RHOBTB2: variants seen among roughly 807,000 people sequenced by gnomAD.
RHOBTB2 encodes rho-related BTB domain-containing protein 2.
In RHOBTB2, 39 loss-of-function variants were observed where a neutral mutation model predicts 66.5. The observed-to-expected ratio is 0.59, with a 90% CI of 0.45 to 0.77. The LOEUF is 0.77. RHOBTB2 is among the 30% of genes least tolerant of loss of function. The pLI is 0.00. For missense variants in RHOBTB2, 755 were observed against 999.1 expected (o/e 0.76, Z 3.29); for synonymous variants, 390 against 395.0 (o/e 0.99, Z 0.15).
chr8:22,995,720 C>A, upstream of RHOBTB2: 1 of 822,864 alleles, frequency 1.2e-6, no homozygotes, highest in Non-Finnish European at 2.0e-6. Context: ...TCTGCTTTTG[C>A]TCATGGCTGG....
chr8:22,982,348 C>T, the RHOBTB2 span, among the ~76,000 whole-genome samples: 245 of 152,276 alleles, frequency 1.6e-3, no homozygotes, highest in Non-Finnish European at 3.1e-3. Context: ...TGGCCAGGCT[C>T]GATGGCTCAT....
At chr8:22,997,103 C>T (rs949418590), upstream of RHOBTB2, among the ~76,000 whole-genome samples, 5 of 152,212 alleles carry the variant, frequency 3.3e-5, no homozygotes, top group East Asian at 3.9e-4. Context: ...AGTAGTGAAC[C>T]GCTGGAGCTC....
At chr8:23,010,979 C>A (rs1485621507) in intron 7 of RHOBTB2, among the ~76,000 whole-genome samples, 2 of 152,214 alleles carry the variant, frequency 1.3e-5, no homozygotes, top group African/African-American at 2.4e-5. Flanking sequence ...CCTATAATCC[C>A]AGCACTTTGG....
upstream of RHOBTB2, among the ~76,000 whole-genome samples, chr8:22,982,681 C>T (rs1210804593): frequency 6.6e-6 from 1 of 152,202 alleles, no homozygotes; most frequent in Non-Finnish European, 1.5e-5. Context: ...GACAACGTCA[C>T]AAAAACAAAC....
upstream of RHOBTB2, among the ~76,000 whole-genome samples, chr8:22,986,265 C>CTT (rs33995780): frequency 4.1e-4 from 35 of 84,980 alleles, no homozygotes; most frequent in Non-Finnish European, 5.4e-4. Flanking sequence ...CAGTGCATTG[C>CTT]TTTTTTTTTT....
At chr8:22,999,372 A>C (rs1810682912), upstream of RHOBTB2, among the ~76,000 whole-genome samples, 1 of 151,746 alleles carries the variant, frequency 6.6e-6, no homozygotes, top group Non-Finnish European at 1.5e-5. Context: ...CGCCACCCAG[A>C]CCCGCGAGCC....
At chr8:22,977,015 G>A in the RHOBTB2 span, among the ~76,000 whole-genome samples, 1 of 152,028 alleles carries the variant, frequency 6.6e-6, no homozygotes, top group Non-Finnish European at 1.5e-5. Flanking sequence ...AGCTACTTGG[G>A]AGGCTGAGGT....
At chr8:22,994,539 C>T (rs1304120690) in intron 2 of RHOBTB2, 8 of 1,470,466 alleles carry the variant, frequency 5.4e-6, no homozygotes, top group South Asian at 1.2e-5. Context: ...CCGCCCCATC[C>T]ACTCCTGTTC....
At chr8:22,975,919 G>A in the RHOBTB2 span, among the ~76,000 whole-genome samples, 13 of 152,042 alleles carry the variant, frequency 8.6e-5, no homozygotes, top group South Asian at 2.1e-4. Context: ...AGGCCAATGC[G>A]GGCGGATCAT....
intron 5 of RHOBTB2, 77 bp from the exon 6 acceptor site, chr8:23,007,916 G>GA (rs1228807493): frequency 6.0e-6 from 9 of 1,500,184 alleles, no homozygotes; most frequent in Non-Finnish European, 7.4e-6. Flanking sequence ...GGTTCAGGAG[G>GA]AGGCTCCGTG....
intron 2 of RHOBTB2, among the ~76,000 whole-genome samples, chr8:22,993,497 G>A (rs1245406134): frequency 6.6e-6 from 1 of 152,204 alleles, no homozygotes; most frequent in African/African-American, 2.4e-5. Context: ...GGAGTTAGAA[G>A]GGTGTCAGTG....
intron 1 of RHOBTB2, among the ~76,000 whole-genome samples, chr8:22,990,390 G>A (rs1810395553): frequency 6.6e-6 from 1 of 151,722 alleles, no homozygotes; most frequent in African/African-American, 2.4e-5. Flanking sequence ...GCAGCTGGGA[G>A]GCAGCCTGCA....
chr8:23,017,469 A>G lies in RHOBTB2; in HGVS notation c.2184A>G (p.Ter728TrpextTer7), dbSNP rs1811329836. ...CATCTTCCTCCTCGGCTGTGGTCTG[A>G]GATGCTGCCACCCTCTTCTGACCCT... ...SSPSSSSAVV[*>W] The change falls in exon 10 of 10, where the codon TGA (stop) becomes TGG (tryptophan). Residue 728 changes from the stop codon to tryptophan (W), a stop_lost. Coordinates refer to ENST00000251822, the MANE Select transcript of RHOBTB2 (RefSeq NM_015178.3). This position sits in a 1 kb window ranked among gnomAD's most constrained non-coding sequence, Gnocchi z 5.3. 5 of 1,576,032 alleles carry G rather than the reference A, an allele frequency of 3.2e-6. No homozygotes were observed. Among genetic ancestry groups the G allele is most frequent in the Non-Finnish European group, 4.3e-6 (5 of 1,161,144 alleles).
Position 23,006,334 on chromosome 8 carries a change from C to T in RHOBTB2, c.482+189C>T, listed in dbSNP as rs1810949691. ...ACCTGTTGCACACCTCTGGTGTGGG[C>T]AGTGCTATGTAAAGCATCATGAAGA... is the stretch of plus-strand genomic sequence containing the variant. On this transcript the variant is annotated intron_variant, in intron 4 of 9. Transcript: ENST00000251822. This position sits in a 1 kb window ranked among gnomAD's most constrained non-coding sequence, Gnocchi z 6.1. 2 of 588,026 alleles carry T rather than the reference C, an allele frequency of 3.4e-6. No homozygotes were observed. The highest frequency in any genetic ancestry group is 6.0e-6 in the Non-Finnish European group (2 of 331,602). The allele number at this position is 588,026 out of a possible 1,614,324, so 36.4% of individuals were successfully genotyped here.
chr8:22,991,012 A>C (rs140396447), intron 1 of RHOBTB2, among the ~76,000 whole-genome samples: 9 of 152,190 alleles, frequency 5.9e-5, no homozygotes, highest in African/African-American at 2.2e-4. Flanking sequence ...GACAAGTCAG[A>C]CTGGACACTT....
the RHOBTB2 span, among the ~76,000 whole-genome samples, chr8:22,978,496 A>AC: frequency 1.3e-5 from 2 of 150,942 alleles, no homozygotes; most frequent in African/African-American, 4.8e-5. Flanking sequence ...AAAAAAAAAA[A>AC]AAACAAAAAA....
At position 23,019,445 on chromosome 8, in the gene RHOBTB2, C is replaced by G. The variant is rs757718426; in HGVS notation, c.*1976C>G. ...CGGCCTCCCTGCAGCTCAGCGCAGCCCAGGGCTCCAAGTGAGGCCCAGAAG... is the reference window on the plus strand; with the variant it reads ...CGGCCTCCCTGCAGCTCAGCGCAGCGCAGGGCTCCAAGTGAGGCCCAGAAG... On this transcript the variant is annotated 3_prime_UTR_variant, in exon 10 of 10. Coordinates refer to ENST00000251822, the MANE Select transcript of RHOBTB2 (RefSeq NM_015178.3). 6.6e-6 allele frequency: 1 copy of G among 152,356 alleles called. No individual in the cohort carries two copies. The highest frequency in any genetic ancestry group is 1.5e-5 in the Non-Finnish European group (1 of 68,184). 9.4% of individuals were successfully genotyped at this position (152,356 alleles called of 1,614,324 possible).
chr8:23,006,495 G>A lies in RHOBTB2; in HGVS notation c.483-233G>A. 1 of 578,146 alleles carries A rather than the reference G, an allele frequency of 1.7e-6. No homozygotes were observed. The highest frequency in any genetic ancestry group is 2.3e-5 in the South Asian group (1 of 43,732). The allele number at this position is 578,146 out of a possible 1,614,324, so 35.8% of individuals were successfully genotyped here. On this transcript the variant is annotated intron_variant, in intron 4 of 9. Coordinates refer to ENST00000251822, the MANE Select transcript of RHOBTB2 (RefSeq NM_015178.3). The surrounding 1 kb of genome is among the most constrained non-coding windows in gnomAD (Gnocchi z 6.1). ...TTGCCAGAGAGGCAGTGCTGTCACG[G>A]CTTTGTACTGGGGAGGTCACTGGGG...
Position 23,019,809 on chromosome 8 carries a change from G to A in RHOBTB2, c.*2340G>A, listed in dbSNP as rs41308108. On this transcript the variant is annotated 3_prime_UTR_variant, in exon 10 of 10. Coordinates refer to ENST00000251822, the MANE Select transcript of RHOBTB2 (RefSeq NM_015178.3). Reference sequence around the variant, plus strand: ...CACCGCCCATTCCCCGAGAGCTGTCGGAACCAGATGCAACCCGGCAGCCCA... The same window carrying A: ...CACCGCCCATTCCCCGAGAGCTGTCAGAACCAGATGCAACCCGGCAGCCCA... The A allele has an allele frequency of 0.036, 5,872 of 163,858 alleles. 261 individuals carry two copies. Among genetic ancestry groups the A allele is most frequent in the African/African-American group, 0.11 (4,380 of 41,590 alleles). 10.2% of individuals were successfully genotyped at this position (163,858 alleles called of 1,614,324 possible).
Sources: gnomAD v4.1 joint callset for allele counts (sites outside exome capture counted in the v4.1 genomes callset) on GRCh38, gnomAD v4.1.1 for gene constraint, Gnocchi (gnomAD v3.1) non-coding constraint, MANE v1.5 for transcripts, NCBI Gene and HGNC (gene_info 2026-07-23, HGNC 2026-07-21) for gene names.